Variants in MARCHF1 observed in about 807,000 individuals in gnomAD.
MARCHF1 encodes the protein E3 ubiquitin-protein ligase MARCHF1.
A neutral mutation model predicts 54.2 loss-of-function variants in MARCHF1; 40 were observed. The observed-to-expected ratio is 0.74, with a 90% CI of 0.57 to 0.96. MARCHF1 has a LOEUF of 0.96. Among genes scored for constraint, MARCHF1 ranks in the 40% least tolerant of loss-of-function variants. MARCHF1 has a pLI of 0.00. For missense variants in MARCHF1, 586 were observed against 656.5 expected (o/e 0.89, Z 1.17); for synonymous variants, 236 against 236.3 (o/e 1.00, Z 0.01).
chr4:164,178,252 T>C (rs1427602447), intron 1 of MARCHF1, among the ~76,000 whole-genome samples: 1 of 152,200 alleles, frequency 6.6e-6, no homozygotes, highest in Non-Finnish European at 1.5e-5. Context: ...GTAAAGTCTT[T>C]GTACCAAGTA....
intron 4 of MARCHF1, among the ~76,000 whole-genome samples, chr4:163,816,146 T>C (rs1748525680): frequency 6.6e-6 from 1 of 152,192 alleles, no homozygotes; most frequent in Admixed American, 6.6e-5. Flanking sequence ...GAGCAATAAC[T>C]GTAAAATTAA....
At chr4:164,314,281 A>C (rs968988537) in intron 1 of MARCHF1, among the ~76,000 whole-genome samples, 3 of 152,200 alleles carry the variant, frequency 2.0e-5, no homozygotes, top group African/African-American at 4.8e-5. Context: ...CTTTTATCTT[A>C]ATTGCTAGCA....
chr4:163,713,760 G>A (rs759117991), intron 4 of MARCHF1, among the ~76,000 whole-genome samples: 42 of 152,204 alleles, frequency 2.8e-4, no homozygotes, highest in Non-Finnish European at 5.9e-5. Flanking sequence ...TGGGAGAGGT[G>A]TGAGACCCCA....
chr4:163,730,444 C>T (rs1353051635), intron 4 of MARCHF1, among the ~76,000 whole-genome samples: 1 of 152,036 alleles, frequency 6.6e-6, no homozygotes, highest in African/African-American at 2.4e-5. Context: ...CGTACTTTTT[C>T]ATTTATTTTT....
intron 7 of MARCHF1, among the ~76,000 whole-genome samples, chr4:163,609,928 T>A (rs1418242701): frequency 3.9e-5 from 6 of 151,990 alleles, no homozygotes; most frequent in Non-Finnish European, 8.8e-5. Context: ...TCAAAATGTC[T>A]TATTTTAAAG....
rs144722541 is a variant in MARCHF1 at position 163,946,929 on chromosome 4, A to G, written c.-39+41572T>C. On this transcript the variant is annotated intron_variant, in intron 3 of 9. Coordinates refer to ENST00000514618, the MANE Select transcript of MARCHF1 (RefSeq NM_001394959.1). ...CCATTAGAATACCCTATCAAATTCT[A>G]TAAAGACATTCCAGATCTGTATTTA... Among the ~76,000 whole-genome samples the G allele has an allele frequency of 1.6e-4, 24 of 152,342 alleles. No homozygotes were observed. The East Asian group carries it at 4.6e-3, about 29-fold the overall frequency.
chr4:164,158,994 C>T (rs1474041383), intron 1 of MARCHF1, among the ~76,000 whole-genome samples: 2 of 152,096 alleles, frequency 1.3e-5, no homozygotes, highest in African/African-American at 4.8e-5. Context: ...CTTCTTCATG[C>T]CAAGGTTTAG....
At chr4:164,161,312 G>A (rs974465787) in intron 1 of MARCHF1, among the ~76,000 whole-genome samples, 7 of 152,080 alleles carry the variant, frequency 4.6e-5, no homozygotes, top group Non-Finnish European at 8.8e-5. Flanking sequence ...CTTCTGCCAT[G>A]ATTGTAAGTT....
At chr4:163,779,037 C>A (rs1453289847) in intron 4 of MARCHF1, among the ~76,000 whole-genome samples, 1 of 152,170 alleles carries the variant, frequency 6.6e-6, no homozygotes, top group Non-Finnish European at 1.5e-5. Flanking sequence ...TAAATTTTCT[C>A]ATCTCCTCTT....
intron 5 of MARCHF1, among the ~76,000 whole-genome samples, chr4:163,665,948 G>T (rs1743517510): frequency 6.6e-6 from 1 of 152,128 alleles, no homozygotes; most frequent in African/African-American, 2.4e-5. Context: ...GGTTACAATG[G>T]GTAACACTTC....
At chr4:164,368,965 T>G (rs1730955543) in intron 1 of MARCHF1, among the ~76,000 whole-genome samples, 1 of 152,134 alleles carries the variant, frequency 6.6e-6, no homozygotes, top group Non-Finnish European at 1.5e-5. Flanking sequence ...GAACAGGAGT[T>G]CTGACTGGAC....
intron 3 of MARCHF1, among the ~76,000 whole-genome samples, chr4:163,879,443 A>G (rs1579360800): frequency 6.6e-6 from 1 of 152,318 alleles, no homozygotes; most frequent in East Asian, 1.9e-4. Flanking sequence ...AAATAAATCA[A>G]TTTTACATTA....
intron 3 of MARCHF1, among the ~76,000 whole-genome samples, chr4:163,906,291 A>G (rs888573140): frequency 1.3e-5 from 2 of 151,968 alleles, no homozygotes; most frequent in Non-Finnish European, 2.9e-5. Flanking sequence ...ATGTAACTGA[A>G]TAAATAAATG....
At chr4:163,630,650 T>A (rs180956731) in intron 5 of MARCHF1, among the ~76,000 whole-genome samples, 375 of 152,262 alleles carry the variant, frequency 2.5e-3, no homozygotes, top group Admixed American at 3.6e-3. Flanking sequence ...CAAAATGGAT[T>A]GTGGTGAGAA....
intron 3 of MARCHF1, among the ~76,000 whole-genome samples, chr4:163,972,616 A>C (rs2110842533): frequency 6.6e-6 from 1 of 152,150 alleles, no homozygotes; most frequent in East Asian, 1.9e-4. Context: ...GCGCGATCTC[A>C]GCTCACTGCA....
intron 2 of MARCHF1, among the ~76,000 whole-genome samples, chr4:163,995,299 G>C (rs1469378483): frequency 6.6e-6 from 1 of 152,082 alleles, no homozygotes; most frequent in African/African-American, 2.4e-5. Context: ...TGTGAGAAAG[G>C]GTGCCAAGTT....
intron 4 of MARCHF1, among the ~76,000 whole-genome samples, chr4:163,840,222 T>C (rs1304271434): frequency 6.6e-6 from 1 of 152,144 alleles, no homozygotes; most frequent in Non-Finnish European, 1.5e-5. Context: ...TTCACTGTAA[T>C]GGTTTTATTC....
intron 5 of MARCHF1, among the ~76,000 whole-genome samples, chr4:163,638,999 A>G (rs1742454158): frequency 6.6e-6 from 1 of 152,162 alleles, no homozygotes; most frequent in African/African-American, 2.4e-5. Flanking sequence ...AAATTTATAT[A>G]TAGAGAAAAT....
chr4:163,855,722 G>C (rs1271314621), intron 3 of MARCHF1, among the ~76,000 whole-genome samples: 4 of 152,198 alleles, frequency 2.6e-5, no homozygotes, highest in African/African-American at 9.6e-5. Flanking sequence ...ATTCATTCAT[G>C]AATGAAGAAC....
Sources: allele counts gnomAD v4.1 joint callset (sites outside exome capture counted in the v4.1 genomes callset), GRCh38; gene constraint gnomAD v4.1.1; transcripts MANE v1.5; gene names NCBI Gene and HGNC (gene_info 2026-07-23, HGNC 2026-07-21).